The following IGHMBP2 variants were observed in gnomAD, a reference collection of about 807,000 sequenced individuals.
IGHMBP2 encodes the protein immunoglobulin mu DNA binding protein 2, also known as DNA-binding protein SMUBP-2.
In IGHMBP2, 81 loss-of-function variants were observed where a neutral mutation model predicts 96.0. The ratio of observed to expected loss-of-function variants is 0.84; its 90% confidence interval spans 0.71 to 1.01. IGHMBP2 has a LOEUF of 1.01. IGHMBP2 is among the 50% of genes least tolerant of loss of function. The pLI is 0.00. For synonymous variants in IGHMBP2, 557 were observed against 548.9 expected (o/e 1.01, Z -0.21); for missense variants, 1,227 against 1,306.3 (o/e 0.94, Z 0.94).
intron 1 of IGHMBP2, among the ~76,000 whole-genome samples, chr11:68,904,918 C>A (rs529342743): frequency 6.6e-6 from 1 of 151,520 alleles, no homozygotes; most frequent in African/African-American, 2.4e-5. Context: ...CCTGCCTCAG[C>A]CTCCTGAGTG....
chr11:68,905,176 A>G (rs1858139615), intron 1 of IGHMBP2, among the ~76,000 whole-genome samples: 1 of 152,202 alleles, frequency 6.6e-6, no homozygotes, highest in South Asian at 2.1e-4. Flanking sequence ...CCCCGGGGTG[A>G]CACAGTGTAG....
chr11:68,912,899 G>A (rs368077940), intron 5 of IGHMBP2, among the ~76,000 whole-genome samples: 2 of 151,730 alleles, frequency 1.3e-5, no homozygotes, highest in East Asian at 1.9e-4. Flanking sequence ...ACAATTAGCC[G>A]GGTGTGGTGG....
intron 5 of IGHMBP2, among the ~76,000 whole-genome samples, chr11:68,914,044 TA>T (rs1482391788): frequency 6.6e-6 from 1 of 151,972 alleles, no homozygotes; most frequent in Non-Finnish European, 1.5e-5. Flanking sequence ...TAGCAATGTG[TA>T]AAAAACAGGA....
rs1012702109 is a variant in IGHMBP2, at chr11:68,904,039, G to T, written c.86+1G>T. 6.5e-7 allele frequency: 1 copy of T among 1,548,770 alleles called. No homozygotes were observed. Among genetic ancestry groups the T allele is most frequent in the Non-Finnish European group, 8.7e-7 (1 of 1,145,920 alleles). On this transcript the variant is annotated splice_donor_variant, in intron 1 of 14. Transcript: ENST00000255078. LOFTEE classifies it high-confidence loss of function. Reference sequence around the variant, plus strand: ...GAGACGCGGAGGTGGAGGAGCGCAGGTACGGGAGGCCGCCGGCGCCGCTCC... The same window carrying T: ...GAGACGCGGAGGTGGAGGAGCGCAGTTACGGGAGGCCGCCGGCGCCGCTCC...
In IGHMBP2 at chr11:68,906,343, C is replaced by T. The variant is rs1289294919; in HGVS notation, c.256+105C>T. On this transcript the variant is annotated intron_variant, in intron 2 of 14. Transcript: ENST00000255078. ...TAAAATGACCAGTTGGAGAATAAAG[C>T]GTTGCAATGAAGAACTCTTAATCAG... 17 of 1,236,762 alleles carry T rather than the reference C, an allele frequency of 1.4e-5. No homozygotes were observed. The Admixed American group carries it at 1.4e-4, about 10-fold the overall frequency. The allele number at this position is 1,236,762 out of a possible 1,614,324, so 76.6% of individuals were successfully genotyped here. A position where few individuals can be genotyped will look rare whatever the true frequency, so the allele number is the denominator to read the frequency against.
chr11:68,939,492 T>C, intron 14 of IGHMBP2, 42 bp from the exon 15 acceptor site: 1 of 1,606,142 alleles, frequency 6.2e-7, no homozygotes, highest in Non-Finnish European at 8.5e-7. Context: ...ATCTGCCTCC[T>C]TGCCCCTGTG....
At position 68,929,137 on chromosome 11, in the gene IGHMBP2, G is replaced by C. The variant is rs1036093098; in HGVS notation, c.1061-46G>C. ...TCCTCTGGTGTGGCTGCGCTGTTGG[G>C]AAGCAGCTGTGCCCCTGGAGACTCC... On this transcript the variant is annotated intron_variant, in intron 7 of 14. Coordinates refer to ENST00000255078, the MANE Select transcript of IGHMBP2 (RefSeq NM_002180.3). 6 of 1,585,958 alleles carry C rather than the reference G, an allele frequency of 3.8e-6. No homozygotes were observed. The African/African-American group carries it at 8.0e-5, about 21-fold the overall frequency.
intron 3 of IGHMBP2, 47 bp downstream of exon 3, chr11:68,908,384 C>A: frequency 1.9e-6 from 3 of 1,562,108 alleles, no homozygotes; most frequent in East Asian, 2.2e-5. Context: ...TCCTTCAACA[C>A]AGCTAATCCA....
rs1859481644 is a variant in IGHMBP2, at chr11:68,935,323, G to A, written c.1657G>A (p.Val553Met). The change falls in exon 12 of 15, where the codon GTG (valine) becomes ATG (methionine). Residue 553 changes from valine (V) to methionine (M), a missense_variant. Physicochemically the swap from Val to Met is conservative, Grantham distance 21 (BLOSUM62 1). Around this residue, in one of 3 missense-constraint regions of IGHMBP2, gnomAD observed 703 missense variants for 770.3 expected, o/e 0.91. Transcript: ENST00000255078. The stretch of plus-strand genomic sequence containing the variant: ...GGTGGACCTGCTCAGACAGAGCCTT[G>A]TGCACAGGCACCCTGAGCTTGAAAT... ...LQVDLLRQSL[V>M]HRHPELEIKS... The A allele has an allele frequency of 1.2e-6, 2 of 1,614,020 alleles. No individual in the cohort carries two copies. Among genetic ancestry groups the A allele is most frequent in the African/African-American group, 2.7e-5 (2 of 74,948 alleles).
rs570558952 is a variant in IGHMBP2 at position 68,929,244 on chromosome 11, T to C, written c.1122T>C (p.Ile374=). The C allele has an allele frequency of 1.2e-6, 2 of 1,613,922 alleles. No homozygotes were observed. Among genetic ancestry groups the C allele is most frequent in the South Asian group, 2.2e-5 (2 of 91,084 alleles). ...LPESYFDVVV[I]DECAQALEAS... ...AGAGCTACTTCGACGTGGTGGTCATTGACGAGTGTGCCCAGGCCCTCGAGG... is the reference window on the plus strand; with the variant it reads ...AGAGCTACTTCGACGTGGTGGTCATCGACGAGTGTGCCCAGGCCCTCGAGG... The change falls in exon 8 of 15, where the codon ATT becomes ATC. Residue 374 remains isoleucine, a synonymous_variant. Coordinates refer to ENST00000255078, the MANE Select transcript of IGHMBP2 (RefSeq NM_002180.3).
intron 7 of IGHMBP2, among the ~76,000 whole-genome samples, chr11:68,923,392 G>C (rs527261546): frequency 1.3e-5 from 2 of 151,920 alleles, no homozygotes; most frequent in Non-Finnish European, 2.9e-5. Context: ...TAGTAGAGGC[G>C]AGGTTTCACC....
chr11:68,909,214 C>G (rs1566425690), intron 4 of IGHMBP2, among the ~76,000 whole-genome samples: 1 of 146,596 alleles, frequency 6.8e-6, no homozygotes, highest in African/African-American at 2.5e-5. Context: ...GAGTCTCGCT[C>G]TGTCACCCAG....
intron 7 of IGHMBP2, among the ~76,000 whole-genome samples, chr11:68,924,968 T>C (rs959298868): frequency 2.0e-5 from 3 of 152,160 alleles, no homozygotes; most frequent in African/African-American, 4.8e-5. Flanking sequence ...TCTGTGTTTT[T>C]TTTTTAAGCT....
chr11:68,936,303 T>G lies in IGHMBP2; in HGVS notation c.1823T>G (p.Val608Gly). ...GCTGTCACCCGTGCCCGACGCCACG[T>G]GGCGGTCATCTGTGACTCCCGTACT... ...NVAVTRARRHVAVICDSRTVN... is the reference protein window; with the variant it reads ...NVAVTRARRHGAVICDSRTVN... Residue 608 changes from valine to glycine, a missense_variant, in exon 13 of 15, where the codon GTG (valine) becomes GGG (glycine). Coordinates refer to ENST00000255078, the MANE Select transcript of IGHMBP2 (RefSeq NM_002180.3). 6.2e-7 allele frequency: 1 copy of G among 1,614,198 alleles called. No homozygotes were observed. Among genetic ancestry groups the G allele is most frequent in the Non-Finnish European group, 8.5e-7 (1 of 1,180,016 alleles).
At chr11:68,927,998 T>C (rs1159117179) in intron 7 of IGHMBP2, among the ~76,000 whole-genome samples, 1 of 152,218 alleles carries the variant, frequency 6.6e-6, no homozygotes, top group Non-Finnish European at 1.5e-5. Flanking sequence ...GAATGAACAC[T>C]TCCCTGATTG....
chr11:68,912,508 T>C (rs1858478466), intron 5 of IGHMBP2, among the ~76,000 whole-genome samples: 1 of 96,458 alleles, frequency 1.0e-5, no homozygotes, highest in African/African-American at 3.3e-5. Flanking sequence ...TCTTGGCACA[T>C]GGAGAGTTTT....
intron 13 of IGHMBP2, chr11:68,937,630 G>A (rs893728966): frequency 8.5e-6 from 2 of 235,316 alleles, no homozygotes; most frequent in Non-Finnish European, 8.4e-6. Flanking sequence ...GCAGGAGCTG[G>A]CTAGGCGTGC....
rs1349351330 is a variant in IGHMBP2 at position 68,940,289 on chromosome 11, T to A, written c.*558T>A. 1.9e-5 allele frequency: 3 copies of A among 157,098 alleles called. No homozygotes were observed. The highest frequency in any genetic ancestry group is 4.2e-5 in the Non-Finnish European group (3 of 71,008). 9.7% of individuals were successfully genotyped at this position (157,098 alleles called of 1,614,324 possible). ...CTCCTCACCACGGGGCTCCTGTGAG[T>A]CTGGGGGGCACCTCTTTCTGGCCTG... On this transcript the variant is annotated 3_prime_UTR_variant, in exon 15 of 15. Transcript: ENST00000255078.
At chr11:68,911,370 AC>A in intron 4 of IGHMBP2, 69 bp from the exon 5 acceptor site, 1 of 1,527,088 alleles carries the variant, frequency 6.5e-7, no homozygotes, top group Admixed American at 1.7e-5. Flanking sequence ...CGGGGCACAC[AC>A]TCTCTGAGGA....
Sources: allele counts gnomAD v4.1 joint callset (sites outside exome capture counted in the v4.1 genomes callset), GRCh38; gene constraint gnomAD v4.1.1; regional missense constraint gnomAD v4.1.1; transcripts MANE v1.5; gene names NCBI Gene and HGNC (gene_info 2026-07-23, HGNC 2026-07-21).